The following UBE3D variants were observed in gnomAD, a reference collection of about 807,000 sequenced individuals.
UBE3D encodes ubiquitin protein ligase E3D.
Under a neutral mutation model 49.6 loss-of-function variants are expected in UBE3D, and 48 were observed. The observed-to-expected ratio is 0.97, with a 90% CI of 0.77 to 1.23. The LOEUF (loss-of-function observed/expected upper bound fraction) is 1.23, where lower values mean the gene tolerates loss of function less well. UBE3D is among the 50% of genes most tolerant of loss of function. UBE3D has a pLI of 0.00. For synonymous variants in UBE3D, 189 were observed against 174.2 expected, an observed-to-expected ratio of 1.08 and a Z score of -0.67; for missense variants, 452 against 468.4, an observed-to-expected ratio of 0.96 and a Z score of 0.32.
At chr6:82,918,266 G>A (rs1773067810) in intron 9 of UBE3D, among the ~76,000 whole-genome samples, 1 of 148,632 alleles carries the variant, frequency 6.7e-6, no homozygotes, top group African/African-American at 2.5e-5. Context: ...TAAGATAATG[G>A]GTAAAAAACA....
intron 6 of UBE3D, 50 bp from the exon 7 acceptor site, chr6:83,022,611 A>G: frequency 7.2e-7 from 1 of 1,385,496 alleles, no homozygotes; most frequent in African/African-American, 1.5e-5. Context: ...TAATAACTCT[A>G]ACTGGCAAGA....
chr6:82,947,334 A>G (rs923175779), intron 9 of UBE3D, among the ~76,000 whole-genome samples: 3 of 151,996 alleles, frequency 2.0e-5, no homozygotes, highest in Non-Finnish European at 4.4e-5. Context: ...ATGAACTCCA[A>G]TAAAATAATA....
At chr6:83,041,102 A>T (rs181138191) in intron 4 of UBE3D, among the ~76,000 whole-genome samples, 11 of 152,346 alleles carry the variant, frequency 7.2e-5, no homozygotes, top group Non-Finnish European at 1.5e-4. Flanking sequence ...AATGTTACCA[A>T]AAACTAAGGG....
chr6:82,959,907 C>T (rs1446616622), intron 8 of UBE3D, among the ~76,000 whole-genome samples: 1 of 151,964 alleles, frequency 6.6e-6, no homozygotes, highest in African/African-American at 2.4e-5. Context: ...AAAGGCAGCT[C>T]CAGGAAGTCT....
chr6:83,005,474 T>A (rs1779911723), intron 8 of UBE3D, among the ~76,000 whole-genome samples: 1 of 152,062 alleles, frequency 6.6e-6, no homozygotes, highest in Non-Finnish European at 1.5e-5. Context: ...GCAAACCCAC[T>A]TCTAGATATA....
chr6:82,927,851 C>T (rs1480976967), intron 9 of UBE3D, among the ~76,000 whole-genome samples: 18 of 151,192 alleles, frequency 1.2e-4, no homozygotes, highest in Middle Eastern at 3.2e-3. Flanking sequence ...CAAAACTATA[C>T]GGACAGTATT....
intron 9 of UBE3D, among the ~76,000 whole-genome samples, chr6:82,939,099 T>C (rs1774813906): frequency 6.6e-6 from 1 of 151,856 alleles, no homozygotes; most frequent in Admixed American, 6.6e-5. Context: ...TTCATAATAA[T>C]GTCATCACAG....
chr6:83,047,853 C>A lies in UBE3D; in HGVS notation c.366-3194G>T, dbSNP rs143647894. ...ATCCCAGCACTTTGGGAGGCCCAGG[C>A]GGGCGGATTACGAGGTCAGGAGATC... On this transcript the variant is annotated intron_variant, in intron 3 of 9. Transcript: ENST00000369747. Among the ~76,000 whole-genome samples, 738 of 151,986 alleles carry A rather than the reference C, an allele frequency of 4.9e-3. 3 individuals are homozygous for A. Among genetic ancestry groups the A allele is most frequent in the Non-Finnish European group, 7.2e-3 (489 of 67,972 alleles).
At position 83,050,748 on chromosome 6, in the gene UBE3D, G is replaced by A. The variant is rs115231366; in HGVS notation, c.365+3400C>T. The stretch of plus-strand genomic sequence containing the variant: ...TCCATGTGCAGTTACTTAAGGAAGC[G>A]TCTTTTTCCATACAACTCAGTCACA... On this transcript the variant is annotated intron_variant, in intron 3 of 9. Transcript: ENST00000369747. Among the ~76,000 whole-genome samples the A allele has an allele frequency of 9.7e-3, 1,436 of 148,252 alleles. 8 individuals are homozygous for A. Among genetic ancestry groups the A allele is most frequent in the African/African-American group, 0.016 (680 of 41,224 alleles).
chr6:82,914,104 G>T (rs1341798723), intron 9 of UBE3D, among the ~76,000 whole-genome samples: 2 of 152,164 alleles, frequency 1.3e-5, no homozygotes, highest in Non-Finnish European at 2.9e-5. Flanking sequence ...CCAGAACCTA[G>T]ATTTCTTTCA....
chr6:83,037,756 A>T (rs1043844680), intron 5 of UBE3D: 1 of 152,244 alleles, frequency 6.6e-6, no homozygotes, highest in Non-Finnish European at 1.5e-5. Flanking sequence ...TTAAACAGCA[A>T]TGCATTTTAA....
chr6:82,991,290 C>T lies in UBE3D; in HGVS notation c.1010+27683G>A, dbSNP rs1432567693. 2.0e-5 allele frequency among the ~76,000 whole-genome samples: 3 copies of T among 152,264 alleles called. No homozygotes were observed. The East Asian group carries it at 5.8e-4, about 29-fold the overall frequency. On this transcript the variant is annotated intron_variant, in intron 8 of 9. Transcript: ENST00000369747. ...AAGCTCCACCTCTTAAAGAAAGGAACATGAAAGAATTTTTAAAACCACATC... is the reference window on the plus strand; with the variant it reads ...AAGCTCCACCTCTTAAAGAAAGGAATATGAAAGAATTTTTAAAACCACATC...
At chr6:82,966,139 T>C (rs906758660) in intron 8 of UBE3D, among the ~76,000 whole-genome samples, 1 of 152,194 alleles carries the variant, frequency 6.6e-6, no homozygotes, top group African/African-American at 2.4e-5. Context: ...GTATGTCTTT[T>C]AAGGCATTCC....
intron 9 of UBE3D, among the ~76,000 whole-genome samples, chr6:82,940,885 G>A (rs993270444): frequency 2.0e-5 from 3 of 152,154 alleles, no homozygotes; most frequent in Non-Finnish European, 2.9e-5. Flanking sequence ...TTGTGTGTGC[G>A]TGTATAAGCA....
chr6:82,917,949 C>G (rs886527083), intron 9 of UBE3D, among the ~76,000 whole-genome samples: 1 of 152,200 alleles, frequency 6.6e-6, no homozygotes, highest in Non-Finnish European at 1.5e-5. Context: ...CTGCTCCTTT[C>G]TTAAACTCTA....
At chr6:83,015,973 G>T (rs565694923) in intron 8 of UBE3D, among the ~76,000 whole-genome samples, 1 of 152,216 alleles carries the variant, frequency 6.6e-6, no homozygotes, top group South Asian at 2.1e-4. Context: ...CCTCCCACAC[G>T]TCCCCATTCC....
chr6:82,969,826 AAAT>A (rs1345556073), intron 8 of UBE3D, among the ~76,000 whole-genome samples: 1 of 152,044 alleles, frequency 6.6e-6, no homozygotes, highest in East Asian at 1.9e-4. Context: ...GAACTGGATA[AAAT>A]AATATTACTT....
At chr6:82,931,683 G>A (rs1490276651) in intron 9 of UBE3D, among the ~76,000 whole-genome samples, 2 of 152,178 alleles carry the variant, frequency 1.3e-5, no homozygotes, top group Admixed American at 6.5e-5. Context: ...TCTCTCATTT[G>A]GAATGGGTGT....
intron 8 of UBE3D, among the ~76,000 whole-genome samples, chr6:82,959,781 C>CT (rs1312957083): frequency 1.3e-5 from 2 of 149,150 alleles, no homozygotes; most frequent in African/African-American, 4.9e-5. Flanking sequence ...TAAGGCCTGC[C>CT]TTTTACACAC....
Sources: gnomAD v4.1 joint callset for allele counts (sites outside exome capture counted in the v4.1 genomes callset) on GRCh38, gnomAD v4.1.1 for gene constraint, MANE v1.5 for transcripts, NCBI Gene and HGNC (gene_info 2026-07-23, HGNC 2026-07-21) for gene names.